RGS7: variants seen among roughly 807,000 people sequenced by gnomAD.
The protein encoded by RGS7 is regulator of G protein signaling 7, also known as regulator of G-protein signaling 7.
RGS7 carries 27 observed loss-of-function variants against 81.1 expected under a neutral mutation model. The ratio of observed to expected loss-of-function variants is 0.33; its 90% CI spans 0.25 to 0.46. The LOEUF (loss-of-function observed/expected upper bound fraction) is 0.46. RGS7 is among the 20% of genes least tolerant of loss of function. The pLI, the probability that RGS7 is intolerant of heterozygous loss-of-function variation, is 1.00. For synonymous variants in RGS7, 208 were observed against 207.7 expected, an observed-to-expected ratio of 1.00 and a Z score of -0.01; for missense variants, 396 against 607.4, an observed-to-expected ratio of 0.65 and a Z score of 3.66.
Position 241,046,190 on chromosome 1 carries a change from C to T in RGS7, c.175+52476G>A, listed in dbSNP as rs185082421. Among the ~76,000 whole-genome samples the T allele has an allele frequency of 2.0e-4, 30 of 152,234 alleles. 1 individual carries two copies. The highest frequency in any genetic ancestry group is 7.2e-4 in the African/African-American group (30 of 41,540). ...CAACTTTATTTCAGGTTCAGTAGTACATGTGCAGGTTTGTTACGTGGGTAT... is the reference window on the plus strand; with the variant it reads ...CAACTTTATTTCAGGTTCAGTAGTATATGTGCAGGTTTGTTACGTGGGTAT... On this transcript the variant is annotated intron_variant, in intron 3 of 18. Transcript: ENST00000440928.
intron 2 of RGS7, among the ~76,000 whole-genome samples, chr1:241,190,106 A>G (rs116034405): frequency 0.021 from 3,190 of 152,282 alleles, 109 homozygotes; most frequent in African/African-American, 0.071. Context: ...CGTCTCAAAA[A>G]AAAAAATCAA....
At chr1:241,211,828 C>T (rs1663682267) in intron 2 of RGS7, among the ~76,000 whole-genome samples, 1 of 152,160 alleles carries the variant, frequency 6.6e-6, no homozygotes, top group South Asian at 2.1e-4. Context: ...CTCGATGCCT[C>T]AGTTTCCTAA....
chr1:240,847,851 T>C (rs1659376744), intron 9 of RGS7, among the ~76,000 whole-genome samples: 1 of 152,128 alleles, frequency 6.6e-6, no homozygotes, highest in Non-Finnish European at 1.5e-5. Context: ...AATATCACAT[T>C]AAGAAAATAA....
chr1:241,103,417 T>G (rs1442899891), intron 2 of RGS7, among the ~76,000 whole-genome samples: 2 of 152,134 alleles, frequency 1.3e-5, no homozygotes, highest in Admixed American at 6.5e-5. Flanking sequence ...GCTATTTTCT[T>G]TACTCTTAAG....
At chr1:241,254,674 AT>A (rs552612929) in intron 2 of RGS7, among the ~76,000 whole-genome samples, 204 of 152,190 alleles carry the variant, frequency 1.3e-3, no homozygotes, top group African/African-American at 4.7e-3. Context: ...CCATAGAAAG[AT>A]TTTTTTTGAG....
intron 2 of RGS7, among the ~76,000 whole-genome samples, chr1:241,347,715 C>T (rs927916866): frequency 2.0e-5 from 3 of 152,080 alleles, no homozygotes; most frequent in Admixed American, 6.5e-5. Flanking sequence ...CTTTGTCTTA[C>T]TGAAAGACAA....
rs534242464 is a variant in RGS7, at chr1:240,914,019, G to A, written c.385+16698C>T. 4.2e-3 allele frequency among the ~76,000 whole-genome samples: 628 copies of A among 150,516 alleles called. 4 individuals are homozygous for A. Among genetic ancestry groups the A allele is most frequent in the Admixed American group, 6.1e-3 (93 of 15,138 alleles). On this transcript the variant is annotated intron_variant, in intron 6 of 18. Coordinates refer to ENST00000440928, the MANE Select transcript of RGS7 (RefSeq NM_001364886.1). Reference sequence around the variant, plus strand: ...GCTGGTGCGCTGCACCCATTAACTCGTCATCTAGCATTAGGTATATCTCCC... The same window carrying A: ...GCTGGTGCGCTGCACCCATTAACTCATCATCTAGCATTAGGTATATCTCCC...
rs991422910 is a variant in RGS7 at position 241,265,821 on chromosome 1, T to C, written c.78+89878A>G. On this transcript the variant is annotated intron_variant, in intron 2 of 18. Coordinates refer to ENST00000440928, the MANE Select transcript of RGS7 (RefSeq NM_001364886.1). ...TTTTTTTTTTTTTTTTTAGACAGAGTTTTGCTCTTGTTGCCCAGGCTGGAA... is the reference window on the plus strand; with the variant it reads ...TTTTTTTTTTTTTTTTTAGACAGAGCTTTGCTCTTGTTGCCCAGGCTGGAA... Among the ~76,000 whole-genome samples the C allele has an allele frequency of 1.8e-4, 27 of 149,666 alleles. 1 individual carries two copies. The highest frequency in any genetic ancestry group is 4.0e-4 in the Admixed American group (6 of 14,970).
intron 3 of RGS7, among the ~76,000 whole-genome samples, chr1:241,022,029 AG>A (rs774544238): frequency 2.0e-5 from 3 of 152,220 alleles, no homozygotes; most frequent in Non-Finnish European, 2.9e-5. Context: ...TTAAGACAGC[AG>A]ATTTAAACGC....
At chr1:240,972,848 C>CAAAAAA (rs35291771) in intron 4 of RGS7, among the ~76,000 whole-genome samples, 3 of 74,976 alleles carry the variant, frequency 4.0e-5, no homozygotes, top group Admixed American at 1.6e-4. Flanking sequence ...CCCCGCCTCT[C>CAAAAAA]AAAAAAAAAA....
chr1:240,792,498 C>A (rs1307192521), intron 18 of RGS7, among the ~76,000 whole-genome samples: 1 of 152,192 alleles, frequency 6.6e-6, no homozygotes, highest in Non-Finnish European at 1.5e-5. Context: ...GAAACCTCCA[C>A]AGTAGTCCCT....
chr1:240,811,672 C>G (rs1320106981), intron 14 of RGS7, among the ~76,000 whole-genome samples: 1 of 152,120 alleles, frequency 6.6e-6, no homozygotes, highest in Non-Finnish European at 1.5e-5. Flanking sequence ...TCAAAGCCAC[C>G]AAATTTGTAT....
chr1:241,258,469 A>G (rs1391810755), intron 2 of RGS7, among the ~76,000 whole-genome samples: 1 of 152,202 alleles, frequency 6.6e-6, no homozygotes, highest in Non-Finnish European at 1.5e-5. Context: ...ATTCGGTTAC[A>G]TATTTATTGG....
At chr1:240,836,730 C>A (rs1371888364) in intron 9 of RGS7, among the ~76,000 whole-genome samples, 1 of 152,204 alleles carries the variant, frequency 6.6e-6, no homozygotes, top group African/African-American at 2.4e-5. Context: ...AATCATTTGC[C>A]CTTGGCCTGT....
chr1:241,221,076 GAAGGAAGGAAGGAAGA>G (rs1454482170), intron 2 of RGS7, among the ~76,000 whole-genome samples: 3 of 126,338 alleles, frequency 2.4e-5, no homozygotes, highest in South Asian at 3.1e-4. Flanking sequence ...AGAGAGAAAG[GAAGGAAGGAAGGAAGA>G]AAGGAAGGAA....
chr1:240,853,900 C>CAAA (rs35471716), intron 9 of RGS7, among the ~76,000 whole-genome samples: 928 of 22,252 alleles, frequency 0.042, 366 homozygotes, highest in Non-Finnish European at 0.05. Context: ...GACTCCGTCT[C>CAAA]AAAAAAAAAA....
At chr1:240,962,950 A>G (rs764260713) in intron 4 of RGS7, among the ~76,000 whole-genome samples, 28 of 152,242 alleles carry the variant, frequency 1.8e-4, no homozygotes, top group Non-Finnish European at 3.7e-4. Flanking sequence ...TTTGAACATT[A>G]TCCTGAGGAA....
chr1:241,075,722 AGAT>A (rs2062761660), intron 3 of RGS7, among the ~76,000 whole-genome samples: 1 of 152,214 alleles, frequency 6.6e-6, no homozygotes, highest in South Asian at 2.1e-4. Context: ...AGCTTGCCCT[AGAT>A]GATTTTTCTA....
intron 18 of RGS7, 141 bp downstream of exon 18, chr1:240,800,500 C>T: frequency 2.4e-6 from 1 of 422,942 alleles, no homozygotes; most frequent in Non-Finnish European, 4.3e-6. Context: ...CCAGTTTGCT[C>T]ACATTTCAAC....
Sources: gnomAD v4.1 joint callset for allele counts (sites outside exome capture counted in the v4.1 genomes callset) on GRCh38, gnomAD v4.1.1 for gene constraint, MANE v1.5 for transcripts, NCBI Gene and HGNC (gene_info 2026-07-23, HGNC 2026-07-21) for gene names.